Variants in GCA observed in about 807,000 individuals in gnomAD.
The protein encoded by GCA is grancalcin.
GCA carries 30 observed loss-of-function variants against 32.6 expected under a neutral mutation model. That is an observed-to-expected ratio of 0.92 (90% confidence interval 0.69 to 1.25). GCA has a LOEUF of 1.25. GCA is among the 50% of genes most tolerant of loss of function. The pLI is 0.00. For synonymous variants in GCA, 102 were observed against 84.6 expected (o/e 1.21, Z -1.13); for missense variants, 291 against 266.8 (o/e 1.09, Z -0.63).
At chr2:162,320,939 T>C (rs2105245751) in intron 1 of GCA, among the ~76,000 whole-genome samples, 1 of 152,344 alleles carries the variant, frequency 6.6e-6, no homozygotes, top group South Asian at 2.1e-4. Context: ...GTCATCCTCC[T>C]CTAACCCTAT....
Position 162,361,327 on chromosome 2 carries a change from T to C in GCA, c.*1084T>C, listed in dbSNP as rs1293203149. 1.0e-6 allele frequency: 1 copy of C among 983,490 alleles called. No individual in the cohort carries two copies. The highest frequency in any genetic ancestry group is 1.2e-6 in the Non-Finnish European group (1 of 828,454). 60.9% of individuals were successfully genotyped at this position (983,490 alleles called of 1,614,324 possible). On this transcript the variant is annotated 3_prime_UTR_variant, in exon 8 of 8. Coordinates refer to ENST00000437150, the MANE Select transcript of GCA (RefSeq NM_012198.5). ...CCAGATCTTTAGTGTTTAATATCCC[T>C]GGTATAAGATGTTATAATTAATGTA...
chr2:162,349,707 A>G (rs1576287084), intron 2 of GCA, among the ~76,000 whole-genome samples: 1 of 152,284 alleles, frequency 6.6e-6, no homozygotes, highest in African/African-American at 2.4e-5. Context: ...GGAGATTTGT[A>G]AATTGTGGAT....
chr2:162,335,323 G>C (rs1684233532), intron 1 of GCA, among the ~76,000 whole-genome samples: 1 of 150,886 alleles, frequency 6.6e-6, no homozygotes, highest in Admixed American at 6.6e-5. Context: ...GCTGAGGCAG[G>C]AGAATCTCTT....
chr2:162,338,496 G>A (rs1488587259), intron 1 of GCA, among the ~76,000 whole-genome samples: 1 of 152,182 alleles, frequency 6.6e-6, no homozygotes, highest in Non-Finnish European at 1.5e-5. Flanking sequence ...TTTCTAGAGA[G>A]TCAGCTTTGT....
chr2:162,368,710 C>CT (rs1685833168), intron 4 of GCA, among the ~76,000 whole-genome samples: 1 of 152,000 alleles, frequency 6.6e-6, no homozygotes, highest in African/African-American at 2.4e-5. Context: ...TACTTCCTGA[C>CT]TAGAAGAGTA....
At chr2:162,334,963 T>C (rs1219693114) in intron 1 of GCA, among the ~76,000 whole-genome samples, 1 of 152,158 alleles carries the variant, frequency 6.6e-6, no homozygotes, top group Non-Finnish European at 1.5e-5. Flanking sequence ...ATTCCTTCTG[T>C]TTTTGGTAAA....
intron 5 of GCA, among the ~76,000 whole-genome samples, 182 bp from the exon 6 acceptor site, chr2:162,358,862 A>G (rs1685415049): frequency 6.6e-6 from 1 of 151,464 alleles, no homozygotes; most frequent in Non-Finnish European, 1.5e-5. Flanking sequence ...ATATTTATAT[A>G]CCGATTAACA....
At chr2:162,367,036 C>T (rs565758396), downstream of GCA, among the ~76,000 whole-genome samples, 13 of 151,984 alleles carry the variant, frequency 8.6e-5, no homozygotes, top group South Asian at 1.2e-3. Flanking sequence ...TAAGAAATAA[C>T]GTCCTTTATG....
chr2:162,328,656 G>A (rs1576258967), intron 1 of GCA, among the ~76,000 whole-genome samples: 2 of 152,136 alleles, frequency 1.3e-5, no homozygotes, highest in Non-Finnish European at 1.5e-5. Context: ...GTGTATTACA[G>A]GGTACTCTTT....
downstream of GCA, among the ~76,000 whole-genome samples, chr2:162,365,094 G>A (rs1270579429): frequency 2.0e-5 from 3 of 151,426 alleles, no homozygotes; most frequent in Non-Finnish European, 4.4e-5. Flanking sequence ...ACTGTTCCTA[G>A]TAAAATGTTG....
In GCA at chr2:162,344,231, C is replaced by T; in HGVS notation, c.-18C>T. 6 of 1,613,638 alleles carry T rather than the reference C, an allele frequency of 3.7e-6. No homozygotes were observed. The highest frequency in any genetic ancestry group is 5.1e-6 in the Non-Finnish European group (6 of 1,179,854). On this transcript the variant is annotated 5_prime_UTR_variant, in exon 1 of 8. Coordinates refer to ENST00000437150, the MANE Select transcript of GCA (RefSeq NM_012198.5). Reference sequence around the variant, plus strand: ...ACGCGACTCGAGGGTGACGCTCGCTCCGCTCGTCCCGCTCGTCATGGCCTA... The same window carrying T: ...ACGCGACTCGAGGGTGACGCTCGCTTCGCTCGTCCCGCTCGTCATGGCCTA...
At chr2:162,326,604 C>A (rs1203625266) in intron 1 of GCA, among the ~76,000 whole-genome samples, 3 of 152,164 alleles carry the variant, frequency 2.0e-5, no homozygotes, top group Non-Finnish European at 2.9e-5. Context: ...GTAGTCTCCG[C>A]CTCCTGGGTT....
downstream of GCA, chr2:162,373,652 G>T: frequency 6.6e-7 from 1 of 1,513,672 alleles, no homozygotes. Flanking sequence ...GTGGTCATTT[G>T]GGATTCAAGC....
At chr2:162,357,712 A>G (rs1350301462) in intron 5 of GCA, among the ~76,000 whole-genome samples, 3 of 151,698 alleles carry the variant, frequency 2.0e-5, no homozygotes, top group Non-Finnish European at 4.4e-5. Context: ...AAACATATGT[A>G]GTTCAATTAT....
rs1451946597 is a variant in GCA at position 162,321,927 on chromosome 2, TATATATAC to T, written c.-31+2704_-31+2711del. 1.9e-3 allele frequency among the ~76,000 whole-genome samples: 126 copies of T among 66,370 alleles called. 4 individuals carry two copies. The highest frequency in any genetic ancestry group is 0.011 in the African/African-American group (111 of 10,566). The allele number at this position is 66,370 out of a possible 152,430, so 43.5% of individuals were successfully genotyped here. A position where few individuals can be genotyped will look rare whatever the true frequency, so the allele number is the denominator to read the frequency against. On this transcript the variant is annotated intron_variant, in intron 1 of 4. Transcript: ENST00000429691. ...ATATATATATATATATATATATATA[TATATATAC>T]ACACATACATATAAACACTATATAA...
intron 1 of GCA, among the ~76,000 whole-genome samples, chr2:162,333,717 A>C (rs1684172220): frequency 6.6e-6 from 1 of 152,182 alleles, no homozygotes; most frequent in Non-Finnish European, 1.5e-5. Context: ...TAATAGAGAA[A>C]AATAAATAAG....
At chr2:162,338,109 G>A (rs1684329967) in intron 1 of GCA, among the ~76,000 whole-genome samples, 1 of 152,162 alleles carries the variant, frequency 6.6e-6, no homozygotes, top group South Asian at 2.1e-4. Flanking sequence ...AGATTGTTGT[G>A]AAAGTCAAAT....
At chr2:162,354,751 A>C (rs138118919) in intron 3 of GCA, among the ~76,000 whole-genome samples, 1 of 152,236 alleles carries the variant, frequency 6.6e-6, no homozygotes, top group Non-Finnish European at 1.5e-5. Flanking sequence ...CAGCTCTTCA[A>C]CTTGCAAAAT....
At chr2:162,359,179 G>A (rs757615362) in intron 6 of GCA, 22 bp downstream of exon 6, 1 of 1,271,084 alleles carries the variant, frequency 7.9e-7, no homozygotes, top group Non-Finnish European at 1.1e-6. Context: ...TTAAAACTAA[G>A]TGCACAGTGT....
Sources: allele counts gnomAD v4.1 joint callset (sites outside exome capture counted in the v4.1 genomes callset), GRCh38; gene constraint gnomAD v4.1.1; transcripts MANE v1.5; gene names NCBI Gene and HGNC (gene_info 2026-07-23, HGNC 2026-07-21).